The following CFAP47 variants were observed in gnomAD, a reference collection of about 807,000 sequenced individuals.
CFAP47 encodes the protein cilia- and flagella-associated protein 47.
A neutral mutation model predicts 148.1 loss-of-function variants in CFAP47; 29 were observed. The ratio of observed to expected loss-of-function variants is 0.20; its 90% CI spans 0.15 to 0.27. The LOEUF (loss-of-function observed/expected upper bound fraction) is 0.27. Among genes scored for constraint, CFAP47 ranks in the 10% least tolerant of loss-of-function variants. The pLI is 1.00. For missense variants in CFAP47, 1,872 were observed against 1,697.5 expected, an observed-to-expected ratio of 1.10 and a Z score of -1.81; for synonymous variants, 664 against 577.3, an observed-to-expected ratio of 1.15 and a Z score of -2.15.
chrX:35,923,851 GTATA>G (rs199512634), intron 1 of CFAP47, among the ~76,000 whole-genome samples: 3 of 96,570 alleles, frequency 3.1e-5, no homozygotes, highest in African/African-American at 1.3e-4. Context: ...ATATATGTGT[GTATA>G]TATATATGTA....
At chrX:36,227,481 T>C in intron 45 of CFAP47, among the ~76,000 whole-genome samples, 1 of 110,777 alleles carries the variant, frequency 9.0e-6, no homozygotes, top group Admixed American at 9.6e-5. Flanking sequence ...AACACACACA[T>C]AAACTCTTGT....
chrX:36,236,642 A>G (rs1425714205), intron 47 of CFAP47, 44 bp from the exon 48 acceptor site: 3 of 500,087 alleles, frequency 6.0e-6, no homozygotes, highest in African/African-American at 4.8e-5. Context: ...TTTAACATTT[A>G]TCTATGACTC....
chrX:35,969,465 T>C (rs1936457214), intron 10 of CFAP47, among the ~76,000 whole-genome samples: 1 of 111,566 alleles, frequency 9.0e-6, no homozygotes, highest in African/African-American at 3.2e-5. Flanking sequence ...TTTATTTCCA[T>C]AGTAATTTTT....
intron 52 of CFAP47, among the ~76,000 whole-genome samples, chrX:36,300,759 G>A (rs1467885225): frequency 3.6e-5 from 4 of 111,959 alleles, no homozygotes; most frequent in African/African-American, 1.3e-4. Flanking sequence ...AAAAAGCAGG[G>A]CTTTTACTGT....
intron 1 of CFAP47, among the ~76,000 whole-genome samples, chrX:35,920,920 A>G (rs2146605069): frequency 8.9e-6 from 1 of 112,292 alleles, no homozygotes; most frequent in South Asian, 3.7e-4. Flanking sequence ...GTATATATGT[A>G]GAAAAACCTA....
At chrX:36,376,948 A>G (rs1556023081) in intron 62 of CFAP47, among the ~76,000 whole-genome samples, 1 of 110,744 alleles carries the variant, frequency 9.0e-6, no homozygotes, top group Non-Finnish European at 1.9e-5. Flanking sequence ...TACAAAGGAC[A>G]TGAACTCATC....
chrX:36,299,956 T>C (rs1941282181), intron 52 of CFAP47, among the ~76,000 whole-genome samples: 2 of 112,138 alleles, frequency 1.8e-5, no homozygotes, highest in Admixed American at 1.9e-4. Flanking sequence ...ACATGAAAGA[T>C]ACTATTCTGA....
intron 51 of CFAP47, among the ~76,000 whole-genome samples, chrX:36,298,119 T>C (rs1556007158): frequency 4.9e-5 from 5 of 102,361 alleles, no homozygotes; most frequent in Non-Finnish European, 9.9e-5. Flanking sequence ...TGTATGTTTA[T>C]TGCGGCACTA....
intron 63 of CFAP47, among the ~76,000 whole-genome samples, chrX:36,380,283 GA>G (rs1942066028): frequency 9.0e-6 from 1 of 111,311 alleles, no homozygotes; most frequent in Non-Finnish European, 1.9e-5. Context: ...GCCATAGGCA[GA>G]AAAAATTTAT....
At chrX:36,366,921 C>T in intron 61 of CFAP47, 45 bp from the exon 62 acceptor site, 1 of 908,208 alleles carries the variant, frequency 1.1e-6, no homozygotes, top group Non-Finnish European at 1.5e-6. Flanking sequence ...ATTCTCTTTA[C>T]TTGTTTTCAC....
At chrX:36,292,690 T>C (rs1382587322) in intron 51 of CFAP47, among the ~76,000 whole-genome samples, 2 of 111,472 alleles carry the variant, frequency 1.8e-5, no homozygotes. Flanking sequence ...TGAATTACAT[T>C]TTTCCTCTTA....
At chrX:36,235,030 C>T (rs782046148) in intron 46 of CFAP47, among the ~76,000 whole-genome samples, 11 of 111,175 alleles carry the variant, frequency 9.9e-5, no homozygotes, top group South Asian at 3.9e-4. Context: ...CCCCTACTGG[C>T]GGGTGCCTCT....
At chrX:36,267,789 G>A (rs984267496) in intron 49 of CFAP47, among the ~76,000 whole-genome samples, 3 of 112,281 alleles carry the variant, frequency 2.7e-5, no homozygotes, top group Non-Finnish European at 5.6e-5. Flanking sequence ...AGTGGTTCAT[G>A]TTCTTTTAGG....
intron 63 of CFAP47, among the ~76,000 whole-genome samples, chrX:36,381,982 C>T (rs5973653): frequency 0.31 from 34,557 of 109,809 alleles, 6,758 homozygotes; most frequent in African/African-American, 0.73. Flanking sequence ...TTGTGTTTGC[C>T]TTTAAAGGAA....
intron 22 of CFAP47, among the ~76,000 whole-genome samples, chrX:36,023,647 A>G (rs1032321034): frequency 5.3e-5 from 6 of 112,245 alleles, no homozygotes; most frequent in Non-Finnish European, 9.4e-5. Flanking sequence ...ATTATACTGC[A>G]GCTGAGCTAG....
At chrX:36,073,479 A>G (rs369931609) in intron 29 of CFAP47, 115 bp downstream of exon 29, 1 of 489,010 alleles carries the variant, frequency 2.0e-6, no homozygotes, top group African/African-American at 2.4e-5. Flanking sequence ...TTCTAAACTG[A>G]TATATTATGA....
rs768782478 is a variant in CFAP47, at chrX:35,971,869, G to T, written c.2158G>T (p.Val720Phe). 1.0e-5 allele frequency: 12 copies of T among 1,192,441 alleles called. No individual in the cohort carries two copies. The African/African-American group carries it at 2.1e-4, about 21-fold the overall frequency. ...TCTGGAAAAATATGATTTTTTACAGGTTCTCAAAGGACTTAAATCAGAACC... is the reference window on the plus strand; with the variant it reads ...TCTGGAAAAATATGATTTTTTACAGTTTCTCAAAGGACTTAAATCAGAACC... ...SQEEESVRRK[V>F]LKGLKSEPST... is the part of the protein sequence containing the mutation. Residue 720 changes from valine (V) to phenylalanine (F), a missense_variant and splice_region_variant, in exon 13 of 64, where the codon GTT becomes TTT. Physicochemically the swap from Val to Phe is conservative, Grantham distance 50. Transcript: ENST00000378653.
chrX:36,372,351 T>C (rs1234250947), intron 62 of CFAP47, among the ~76,000 whole-genome samples: 2 of 111,796 alleles, frequency 1.8e-5, no homozygotes, highest in Non-Finnish European at 1.9e-5. Flanking sequence ...TGTTGTGTGA[T>C]ATTCTGACGT....
chrX:36,154,399 G>C (rs1041154812), intron 37 of CFAP47, among the ~76,000 whole-genome samples: 10 of 112,066 alleles, frequency 8.9e-5, no homozygotes, highest in Non-Finnish European at 1.9e-4. Context: ...CTGTTGTCTA[G>C]TAACTTGCTC....
Sources: gnomAD v4.1 joint callset for allele counts (sites outside exome capture counted in the v4.1 genomes callset) on GRCh38, gnomAD v4.1.1 for gene constraint, MANE v1.5 for transcripts, NCBI Gene and HGNC (gene_info 2026-07-23, HGNC 2026-07-21) for gene names.